The following CNTNAP2 variants were observed in gnomAD, a reference collection of about 807,000 sequenced individuals.
The protein encoded by CNTNAP2 is contactin-associated protein-like 2.
CNTNAP2 carries 98 observed loss-of-function variants against 155.2 expected under a neutral mutation model. That is an observed-to-expected ratio of 0.63 (90% CI 0.54 to 0.75). CNTNAP2 has a LOEUF of 0.75. CNTNAP2 is among the 30% of genes least tolerant of loss of function. The pLI is 0.00. For missense variants in CNTNAP2, 1,727 were observed against 1,688.1 expected (o/e 1.02, Z -0.40); for synonymous variants, 651 against 631.2 (o/e 1.03, Z -0.47).
At position 148,210,561 on chromosome 7, in the gene CNTNAP2, A is replaced by T. The variant is rs370812174; in HGVS notation, c.3011-6727A>T. ...ATGTGTTTACAGTAATATACTTCAC[A>T]CTTGTGTCTTGTGGGCCACACGTGC... On this transcript the variant is annotated intron_variant, in intron 18 of 23. Transcript: ENST00000361727. Among the ~76,000 whole-genome samples, 37 of 152,326 alleles carry T rather than the reference A, an allele frequency of 2.4e-4. No individual in the cohort carries two copies. The South Asian group carries it at 3.5e-3, about 15-fold the overall frequency.
At chr7:146,765,608 C>G (rs1223722540) in intron 1 of CNTNAP2, among the ~76,000 whole-genome samples, 1 of 152,124 alleles carries the variant, frequency 6.6e-6, no homozygotes, top group Non-Finnish European at 1.5e-5. Context: ...AGGCACCTGC[C>G]TTCCTCTCAT....
chr7:146,893,599 G>A (rs1172631193), intron 3 of CNTNAP2, among the ~76,000 whole-genome samples: 1 of 152,028 alleles, frequency 6.6e-6, no homozygotes, highest in Admixed American at 6.6e-5. Context: ...TAGAATAGAT[G>A]ACTGACTATT....
chr7:146,751,242 CATTTGAGCATACAA>C (rs1017083759), intron 1 of CNTNAP2, among the ~76,000 whole-genome samples: 2 of 152,074 alleles, frequency 1.3e-5, no homozygotes, highest in African/African-American at 4.8e-5. Flanking sequence ...TGAGCATACA[CATTTGAGCATACAA>C]ATTTGAGCAT....
intron 18 of CNTNAP2, among the ~76,000 whole-genome samples, chr7:148,187,126 AC>A (rs1795128387): frequency 6.6e-6 from 1 of 150,758 alleles, no homozygotes; most frequent in African/African-American, 2.5e-5. Context: ...ACACACACAC[AC>A]ACACACACAC....
intron 15 of CNTNAP2, among the ~76,000 whole-genome samples, chr7:148,024,157 T>TTAAAAAAAAAAAA (rs1554463557): frequency 9.3e-6 from 1 of 107,632 alleles, no homozygotes; most frequent in Non-Finnish European, 1.8e-5. Context: ...CTTTAAAGTG[T>TTAAAAAAAAAAAA]AAAAAAAAAA....
chr7:147,679,484 A>C (rs1795916339), intron 13 of CNTNAP2, among the ~76,000 whole-genome samples: 1 of 151,936 alleles, frequency 6.6e-6, no homozygotes, highest in Non-Finnish European at 1.5e-5. Flanking sequence ...GGAGACTCAG[A>C]GAAAAGAGAC....
intron 15 of CNTNAP2, among the ~76,000 whole-genome samples, chr7:148,014,491 C>T (rs955109670): frequency 6.6e-6 from 1 of 152,102 alleles, no homozygotes; most frequent in African/African-American, 2.4e-5. Context: ...ACACCATTTA[C>T]CATAACTTTG....
intron 9 of CNTNAP2, among the ~76,000 whole-genome samples, chr7:147,355,165 T>A (rs1414067415): frequency 6.6e-6 from 1 of 151,844 alleles, no homozygotes; most frequent in East Asian, 1.9e-4. Flanking sequence ...CCCGTATACT[T>A]GAGGGACGTG....
chr7:147,472,204 C>CTTTTTTTTTTTTTTTT (rs542047274), intron 10 of CNTNAP2, among the ~76,000 whole-genome samples: 35 of 81,066 alleles, frequency 4.3e-4, no homozygotes, highest in African/African-American at 1.8e-3. Context: ...TCTTTTTTTC[C>CTTTTTTTTTTTTTTTT]TTTTTTTTTT....
At chr7:147,128,210 G>T (rs1036501994) in intron 6 of CNTNAP2, among the ~76,000 whole-genome samples, 3 of 151,990 alleles carry the variant, frequency 2.0e-5, no homozygotes, top group African/African-American at 4.8e-5. Context: ...GACAATAATG[G>T]TCATTAGACT....
intron 3 of CNTNAP2, among the ~76,000 whole-genome samples, chr7:146,911,044 C>T (rs980569828): frequency 2.6e-5 from 4 of 151,930 alleles, no homozygotes; most frequent in Admixed American, 6.6e-5. Context: ...AGCCAAAAAA[C>T]ACATGAAAAA....
intron 11 of CNTNAP2, among the ~76,000 whole-genome samples, chr7:147,506,784 A>G (rs1362754171): frequency 1.3e-5 from 2 of 152,148 alleles, no homozygotes; most frequent in African/African-American, 2.4e-5. Flanking sequence ...AGCTATAACA[A>G]AAACACACTT....
At chr7:148,016,376 T>C (rs10280388) in intron 15 of CNTNAP2, among the ~76,000 whole-genome samples, 53,112 of 152,046 alleles carry the variant, frequency 0.35, 10,055 homozygotes, top group East Asian at 0.74. Context: ...ACATGTGCCT[T>C]CTCCTACTGT....
In CNTNAP2 at chr7:146,528,122, G is replaced by A. The variant is rs1179430231; in HGVS notation, c.98-246149G>A. Reference sequence around the variant, plus strand: ...AGGGCACTGAAAGTCCTTTTTACTCGGTTTGAGGTTTCTTAAAAGGAGTAA... The same window carrying A: ...AGGGCACTGAAAGTCCTTTTTACTCAGTTTGAGGTTTCTTAAAAGGAGTAA... On this transcript the variant is annotated intron_variant, in intron 1 of 23. Coordinates refer to ENST00000361727, the MANE Select transcript of CNTNAP2 (RefSeq NM_014141.6). Among the ~76,000 whole-genome samples the A allele has an allele frequency of 5.3e-5, 8 of 152,094 alleles. No homozygotes were observed. In the South Asian group the frequency reaches 6.2e-4, roughly 12 times the overall value.
intron 14 of CNTNAP2, among the ~76,000 whole-genome samples, chr7:147,956,854 T>C (rs762932844): frequency 5.3e-5 from 8 of 152,100 alleles, no homozygotes; most frequent in Non-Finnish European, 5.9e-5. Flanking sequence ...AAGTCTTGGC[T>C]AGAGGTGTAA....
intron 3 of CNTNAP2, among the ~76,000 whole-genome samples, chr7:146,983,384 G>T (rs1203625973): frequency 3.3e-5 from 5 of 151,940 alleles, no homozygotes; most frequent in Non-Finnish European, 4.4e-5. Context: ...TCTGCAATTT[G>T]TACTTGAAAA....
intron 1 of CNTNAP2, among the ~76,000 whole-genome samples, chr7:146,159,727 C>G (rs913192513): frequency 1.3e-5 from 2 of 152,146 alleles, no homozygotes; most frequent in African/African-American, 2.4e-5. Flanking sequence ...CAGGAGCACA[C>G]AGATTCATAA....
chr7:147,094,478 T>A (rs1800483224), intron 4 of CNTNAP2, among the ~76,000 whole-genome samples: 1 of 149,072 alleles, frequency 6.7e-6, no homozygotes, highest in Non-Finnish European at 1.5e-5. Flanking sequence ...CTCGGCTCAC[T>A]GCAAGCTCCG....
chr7:147,484,862 G>A (rs1798484237), intron 10 of CNTNAP2, among the ~76,000 whole-genome samples: 1 of 152,172 alleles, frequency 6.6e-6, no homozygotes, highest in South Asian at 2.1e-4. Context: ...TTTTAATCTG[G>A]GAAAGTTTTC....
Sources: allele counts gnomAD v4.1 joint callset (sites outside exome capture counted in the v4.1 genomes callset), GRCh38; gene constraint gnomAD v4.1.1; transcripts MANE v1.5; gene names NCBI Gene and HGNC (gene_info 2026-07-23, HGNC 2026-07-21).